Variants in CLSTN2 observed in about 807,000 individuals in gnomAD.
CLSTN2 encodes the protein calsyntenin 2.
CLSTN2 carries 48 observed loss-of-function variants against 101.2 expected under a neutral mutation model. The ratio of observed to expected loss-of-function variants is 0.47; its 90% CI spans 0.38 to 0.60. The LOEUF (loss-of-function observed/expected upper bound fraction) is 0.60, where lower values mean the gene tolerates loss of function less well. Among genes scored for constraint, CLSTN2 ranks in the 20% least tolerant of loss-of-function variants. The pLI is 0.00. For missense variants in CLSTN2, 1,160 were observed against 1,238.2 expected (o/e 0.94, Z 0.95); for synonymous variants, 481 against 463.6 (o/e 1.04, Z -0.48).
At chr3:140,558,879 TG>T (rs749169996) in intron 12 of CLSTN2, 22 bp downstream of exon 12, 5 of 1,601,896 alleles carry the variant, frequency 3.1e-6, no homozygotes, top group Middle Eastern at 1.9e-4. Flanking sequence ...TTTGAGTTTG[TG>T]GGGAGGGTGG....
chr3:140,405,760 T>C (rs182404776), intron 4 of CLSTN2, among the ~76,000 whole-genome samples: 1 of 152,354 alleles, frequency 6.6e-6, no homozygotes, highest in African/African-American at 2.4e-5. Flanking sequence ...GCTGTAAATT[T>C]CAACACCTTC....
At chr3:140,473,502 G>A (rs1015964558) in intron 8 of CLSTN2, among the ~76,000 whole-genome samples, 2 of 152,130 alleles carry the variant, frequency 1.3e-5, no homozygotes, top group African/African-American at 2.4e-5. Flanking sequence ...AAGAGGGGAG[G>A]CAAGAGGGTA....
intron 5 of CLSTN2, among the ~76,000 whole-genome samples, chr3:140,422,989 A>G (rs1183897918): frequency 1.3e-5 from 2 of 152,244 alleles, no homozygotes; most frequent in African/African-American, 4.8e-5. Flanking sequence ...TGGCCTTTGA[A>G]GAGAAAACCT....
In CLSTN2 at chr3:140,564,146, G is replaced by A. The variant is rs1262660248; in HGVS notation, c.2667+1G>A. 1.2e-6 allele frequency: 2 copies of A among 1,613,604 alleles called. No individual in the cohort carries two copies. The highest frequency in any genetic ancestry group is 2.2e-5 in the South Asian group (2 of 91,050). ...GACTATCACAGTCAACCCCATGGAG[G>A]TGATCCTCATGCACGGCTGGGAGTT... is the stretch of plus-strand genomic sequence containing the variant. On this transcript the variant is annotated splice_donor_variant, in intron 16 of 16. Coordinates refer to ENST00000458420, the MANE Select transcript of CLSTN2 (RefSeq NM_022131.3). LOFTEE classifies it high-confidence loss of function.
chr3:140,215,815 A>G (rs1310963837), intron 2 of CLSTN2, among the ~76,000 whole-genome samples: 1 of 152,236 alleles, frequency 6.6e-6, no homozygotes, highest in Non-Finnish European at 1.5e-5. Context: ...TAAAATGCTT[A>G]AAACAGTGCT....
chr3:140,235,823 A>G (rs764283720), intron 2 of CLSTN2, among the ~76,000 whole-genome samples: 1 of 152,182 alleles, frequency 6.6e-6, no homozygotes, highest in Non-Finnish European at 1.5e-5. Flanking sequence ...AGAGAAGGTG[A>G]GGACAGTTTA....
chr3:140,268,339 A>G (rs942273428), intron 2 of CLSTN2, among the ~76,000 whole-genome samples: 8 of 152,190 alleles, frequency 5.3e-5, no homozygotes, highest in Non-Finnish European at 1.2e-4. Context: ...CCAGCAGTAC[A>G]ACACCCCCTG....
At chr3:140,533,501 A>C (rs1195965700) in intron 9 of CLSTN2, among the ~76,000 whole-genome samples, 1 of 152,090 alleles carries the variant, frequency 6.6e-6, no homozygotes, top group African/African-American at 2.4e-5. Flanking sequence ...CGAGGTCAGG[A>C]GATCGAGACC....
chr3:140,439,274 C>T (rs1489800106), intron 5 of CLSTN2, among the ~76,000 whole-genome samples: 2 of 152,238 alleles, frequency 1.3e-5, no homozygotes. Context: ...GGCACCAGTT[C>T]TCCTGGCTGG....
intron 1 of CLSTN2, among the ~76,000 whole-genome samples, chr3:139,983,739 TA>T (rs1010757530): frequency 2.6e-5 from 4 of 152,150 alleles, no homozygotes; most frequent in South Asian, 2.1e-4. Context: ...TTTTAGCATT[TA>T]AAAAAATCAA....
At chr3:140,135,148 ATATATATATATAT>A (rs2009595727) in intron 1 of CLSTN2, among the ~76,000 whole-genome samples, 1 of 138,792 alleles carries the variant, frequency 7.2e-6, no homozygotes, top group African/African-American at 2.8e-5. Context: ...ATATATATAT[ATATATATATATAT>A]AAAATATGCT....
At chr3:140,494,806 T>C (rs182786359) in intron 8 of CLSTN2, among the ~76,000 whole-genome samples, 228 of 152,358 alleles carry the variant, frequency 1.5e-3, no homozygotes, top group Admixed American at 3.8e-3. Flanking sequence ...TTCCTTTTTA[T>C]GGCTACAGAG....
At chr3:140,403,852 C>T (rs188137820) in intron 3 of CLSTN2, 28 bp downstream of exon 3, 85 of 1,571,812 alleles carry the variant, frequency 5.4e-5, no homozygotes, top group East Asian at 1.8e-4. Context: ...GCCCTCTGGA[C>T]GCCCCTCCCT....
chr3:140,229,607 C>T (rs776647748), intron 2 of CLSTN2, among the ~76,000 whole-genome samples: 1 of 151,852 alleles, frequency 6.6e-6, no homozygotes, highest in South Asian at 2.1e-4. Context: ...AGAGCTAAAA[C>T]CCATTCAGGC....
intron 1 of CLSTN2, among the ~76,000 whole-genome samples, chr3:140,057,178 C>T (rs1028095281): frequency 2.0e-5 from 3 of 152,214 alleles, no homozygotes. Flanking sequence ...CAATACACAT[C>T]CAAAGCAATG....
intron 9 of CLSTN2, among the ~76,000 whole-genome samples, chr3:140,535,844 C>T (rs1314006862): frequency 1.3e-5 from 2 of 152,208 alleles, no homozygotes; most frequent in Admixed American, 6.5e-5. Context: ...CACTGTGTCT[C>T]ACTGCCCTCT....
At chr3:139,995,077 G>A (rs1936179919) in intron 1 of CLSTN2, among the ~76,000 whole-genome samples, 1 of 152,262 alleles carries the variant, frequency 6.6e-6, no homozygotes, top group Admixed American at 6.5e-5. Flanking sequence ...TAGCTCTGGG[G>A]ACAATTGGAT....
At chr3:140,295,133 C>T (rs948136980) in intron 2 of CLSTN2, among the ~76,000 whole-genome samples, 4 of 151,992 alleles carry the variant, frequency 2.6e-5, no homozygotes, top group African/African-American at 9.7e-5. Context: ...AGTTGTTTTG[C>T]CAGTTTTCTA....
intron 5 of CLSTN2, among the ~76,000 whole-genome samples, chr3:140,446,921 T>C (rs891784422): frequency 6.6e-6 from 1 of 152,194 alleles, no homozygotes; most frequent in African/African-American, 2.4e-5. Context: ...GGCTCCTGAC[T>C]TGTTCACTGC....
Sources: gnomAD v4.1 joint callset for allele counts (sites outside exome capture counted in the v4.1 genomes callset) on GRCh38, gnomAD v4.1.1 for gene constraint, MANE v1.5 for transcripts, NCBI Gene and HGNC (gene_info 2026-07-23, HGNC 2026-07-21) for gene names.